The following COL27A1 variants were observed in gnomAD, a reference collection of about 807,000 sequenced individuals.
COL27A1 encodes the protein collagen alpha-1(XXVII) chain.
A neutral mutation model predicts 251.3 loss-of-function variants in COL27A1; 106 were observed. The ratio of observed to expected loss-of-function variants is 0.42; its 90% CI spans 0.36 to 0.50. The LOEUF (loss-of-function observed/expected upper bound fraction) is 0.50, where lower values mean the gene tolerates loss of function less well. Ranked by LOEUF, COL27A1 falls within the 20% of genes least tolerant of loss-of-function variation. The pLI is 0.00. For synonymous variants in COL27A1, 1,000 were observed against 986.3 expected (o/e 1.01, Z -0.26); for missense variants, 2,325 against 2,522.8 (o/e 0.92, Z 1.68).
chr9:114,301,689 C>A lies in COL27A1; in HGVS notation c.4817C>A (p.Pro1606His). The A allele has an allele frequency of 6.2e-7, 1 of 1,611,370 alleles. No individual in the cohort carries two copies. The highest frequency in any genetic ancestry group is 8.5e-7 in the Non-Finnish European group (1 of 1,178,946). Residue 1606 changes from proline to histidine, a missense_variant, in exon 55 of 61, where the codon CCC becomes CAC. By Grantham distance (77) the Pro-to-His change is moderately conservative. Around this residue, in one of 4 missense-constraint regions of COL27A1, gnomAD observed 327 missense variants for 442.8 expected, o/e 0.74. Transcript: ENST00000356083. The part of the protein sequence containing the change: ...DWGLQGPRGP[P>H]GPRGRPGPPG... Reference sequence around the variant, plus strand: ...CTTCTCTTGTTCCCCCAGGGTCCTCCCGGCCCCAGAGGGCGGCCCGGCCCC... The same window carrying A: ...CTTCTCTTGTTCCCCCAGGGTCCTCACGGCCCCAGAGGGCGGCCCGGCCCC...
chr9:114,219,881 T>A (rs778212328), intron 13 of COL27A1, 37 bp downstream of exon 13: 11 of 1,499,250 alleles, frequency 7.3e-6, no homozygotes, highest in Non-Finnish European at 1.0e-5. Flanking sequence ...GGAGCGAGAT[T>A]CTGAGTGAAC....
chr9:114,218,124 A>C, intron 12 of COL27A1: 1 of 245,500 alleles, frequency 4.1e-6, no homozygotes, highest in East Asian at 1.1e-4. Flanking sequence ...AAAAAGAAGG[A>C]TCCCCTGGAC....
At chr9:114,305,095 G>A (rs1828938485) in intron 57 of COL27A1, among the ~76,000 whole-genome samples, 1 of 152,206 alleles carries the variant, frequency 6.6e-6, no homozygotes, top group Admixed American at 6.5e-5. Context: ...GGTTAACTCA[G>A]CTGTAAGACT....
chr9:114,225,354 T>C (rs1043265446), intron 14 of COL27A1, among the ~76,000 whole-genome samples: 1 of 152,254 alleles, frequency 6.6e-6, no homozygotes, highest in Non-Finnish European at 1.5e-5. Flanking sequence ...TGATTTGTTC[T>C]GCCTTGTGGT....
At chr9:114,277,662 G>T (rs141211699) in intron 37 of COL27A1, among the ~76,000 whole-genome samples, 20 of 152,322 alleles carry the variant, frequency 1.3e-4, no homozygotes, top group Non-Finnish European at 2.6e-4. Flanking sequence ...CTTCCCCCAG[G>T]CTTGACTCAG....
At chr9:114,239,957 A>C (rs1271958876) in intron 19 of COL27A1, among the ~76,000 whole-genome samples, 2 of 152,148 alleles carry the variant, frequency 1.3e-5, no homozygotes, top group African/African-American at 2.4e-5. Flanking sequence ...AACGACCTTG[A>C]GTGTGACCTT....
In COL27A1 at chr9:114,231,060, T is replaced by C. The variant is rs1476912137; in HGVS notation, c.2467-19T>C. 6.2e-7 allele frequency: 1 copy of C among 1,610,474 alleles called. No individual in the cohort carries two copies. Among genetic ancestry groups the C allele is most frequent in the South Asian group, 1.1e-5 (1 of 89,990 alleles). On this transcript the variant is annotated intron_variant, in intron 14 of 60. Coordinates refer to ENST00000356083, the MANE Select transcript of COL27A1 (RefSeq NM_032888.4). Reference sequence around the variant, plus strand: ...TGGGCCACTGCTCACAGCACCCTCTTCTCTTTCTCTCCCCACAGGGTGACT... The same window carrying C: ...TGGGCCACTGCTCACAGCACCCTCTCCTCTTTCTCTCCCCACAGGGTGACT...
At chr9:114,223,445 G>A (rs1442772723) in intron 14 of COL27A1, among the ~76,000 whole-genome samples, 1 of 152,158 alleles carries the variant, frequency 6.6e-6, no homozygotes, top group South Asian at 2.1e-4. Context: ...GGCCATCTGT[G>A]CCTGCTCAGG....
chr9:114,175,610 G>A (rs1827378253), intron 3 of COL27A1, among the ~76,000 whole-genome samples: 2 of 152,214 alleles, frequency 1.3e-5, no homozygotes, highest in Admixed American at 1.3e-4. Flanking sequence ...TCACCAGGCT[G>A]GACCCTGGGT....
intron 10 of COL27A1, 190 bp from the exon 11 acceptor site, chr9:114,209,485 A>G (rs758369123): frequency 1.0e-5 from 8 of 779,128 alleles, no homozygotes; most frequent in Non-Finnish European, 1.9e-5. Context: ...AGCCAGCACC[A>G]TGCAGTCCAT....
At chr9:114,175,547 G>A (rs934065968) in intron 3 of COL27A1, among the ~76,000 whole-genome samples, 1 of 152,196 alleles carries the variant, frequency 6.6e-6, no homozygotes, top group African/African-American at 2.4e-5. Context: ...GAAGGGATTG[G>A]CCAGGCCCGA....
Position 114,164,102 on chromosome 9 carries a change from G to T in COL27A1, c.133+1317G>T, listed in dbSNP as rs1211158460. On this transcript the variant is annotated intron_variant, in intron 2 of 60. Transcript: ENST00000356083. ...AAAGACCCCAGAGTCAGGTGGCCTG[G>T]GTTCAAACCTTGGCTGTGCCTTTTT... Among the ~76,000 whole-genome samples the T allele has an allele frequency of 2.0e-5, 3 of 152,104 alleles. No individual in the cohort carries two copies. In the East Asian group the frequency reaches 5.8e-4, roughly 29 times the overall value.
At chr9:114,289,541 C>G (rs984734837) in intron 45 of COL27A1, among the ~76,000 whole-genome samples, 2 of 152,166 alleles carry the variant, frequency 1.3e-5, no homozygotes, top group African/African-American at 4.8e-5. Context: ...TGCCTGAGGC[C>G]AACCAGAGTG....
chr9:114,155,760 G>A lies in COL27A1; in HGVS notation c.-191G>A, dbSNP rs1231319244. 2 of 181,332 alleles carry A rather than the reference G, an allele frequency of 1.1e-5. No individual in the cohort carries two copies. The highest frequency in any genetic ancestry group is 2.1e-5 in the Non-Finnish European group (2 of 96,398). The allele number at this position is 181,332 out of a possible 1,614,324, so 11.2% of individuals were successfully genotyped here. On this transcript the variant is annotated 5_prime_UTR_variant, in exon 1 of 61. Transcript: ENST00000356083. The surrounding 1 kb of genome is among the most constrained non-coding windows in gnomAD (Gnocchi z 5.5). Reference sequence around the variant, plus strand: ...CCCGGACTCCTGGGACCATGGGCCTGGCGCGGGCGCCCGCGGGGCCCCAGC... The same window carrying A: ...CCCGGACTCCTGGGACCATGGGCCTAGCGCGGGCGCCCGCGGGGCCCCAGC...
At position 114,194,466 on chromosome 9, in the gene COL27A1, C is replaced by A. The variant is rs1828968127; in HGVS notation, c.2070+9C>A. 6.2e-7 allele frequency: 1 copy of A among 1,610,106 alleles called. No individual in the cohort carries two copies. Among genetic ancestry groups the A allele is most frequent in the African/African-American group, 1.3e-5 (1 of 74,882 alleles). On this transcript the variant is annotated intron_variant, in intron 6 of 60. Coordinates refer to ENST00000356083, the MANE Select transcript of COL27A1 (RefSeq NM_032888.4). ...CCCACGATGGGGCAAAGGTAGGTTT[C>A]CAGGGACCCCAGTTCTCAGGGAAGA...
At chr9:114,240,045 C>A (rs1202408460) in intron 19 of COL27A1, among the ~76,000 whole-genome samples, 175 bp from the exon 20 acceptor site, 1 of 152,208 alleles carries the variant, frequency 6.6e-6, no homozygotes, top group Non-Finnish European at 1.5e-5. Flanking sequence ...AGGGCTGGAA[C>A]CATGCACCCT....
chr9:114,304,608 C>T lies in COL27A1; in HGVS notation c.4873C>T (p.Gln1625Ter), dbSNP rs1313055571. The change falls in exon 57 of 61, where the codon CAA (glutamine) becomes TAA (stop). Residue 1625 changes from glutamine to a stop codon, truncating the protein, a stop_gained and splice_region_variant. Transcript: ENST00000356083. LOFTEE classifies it high-confidence loss of function. ...CATACCCTGTCTTTTCCTTGCCCAG[C>T]AACAAGATGATCTTGGGGCAGCTTT... is the stretch of plus-strand genomic sequence containing the variant. ...PGPPGGPIQL[Q>*]QDDLGAAFQT... is the part of the protein sequence containing the mutation. The T allele has an allele frequency of 2.5e-6, 4 of 1,614,130 alleles. No individual in the cohort carries two copies. Among genetic ancestry groups the T allele is most frequent in the Non-Finnish European group, 3.4e-6 (4 of 1,179,988 alleles).
chr9:114,223,951 A>G (rs952838685), intron 14 of COL27A1, among the ~76,000 whole-genome samples: 2 of 152,350 alleles, frequency 1.3e-5, no homozygotes, highest in East Asian at 3.9e-4. Flanking sequence ...GGTAGCAGCT[A>G]TCCGGGTTAC....
intron 7 of COL27A1, among the ~76,000 whole-genome samples, chr9:114,200,708 G>A (rs1337942458): frequency 8.5e-5 from 13 of 152,300 alleles, no homozygotes; most frequent in East Asian, 3.9e-4. Flanking sequence ...ACTGAGGCCC[G>A]GAGAGGCACC....
Sources: gnomAD v4.1 joint callset for allele counts (sites outside exome capture counted in the v4.1 genomes callset) on GRCh38, gnomAD v4.1.1 for gene constraint, gnomAD v4.1.1 regional missense constraint, Gnocchi (gnomAD v3.1) non-coding constraint, MANE v1.5 for transcripts, NCBI Gene and HGNC (gene_info 2026-07-23, HGNC 2026-07-21) for gene names.